Variants in PIWIL1 observed in about 807,000 individuals in gnomAD.
The protein encoded by PIWIL1 is piwi-like protein 1.
A neutral mutation model predicts 114.4 loss-of-function variants in PIWIL1; 73 were observed. The ratio of observed to expected loss-of-function variants is 0.64; its 90% CI spans 0.53 to 0.78. The LOEUF (loss-of-function observed/expected upper bound fraction) is 0.78, where lower values mean the gene tolerates loss of function less well. Among genes scored for constraint, PIWIL1 ranks in the 30% least tolerant of loss-of-function variants. The pLI is 0.00. For missense variants in PIWIL1, 723 were observed against 1,063.1 expected, an observed-to-expected ratio of 0.68 and a Z score of 4.45; for synonymous variants, 375 against 369.0, an observed-to-expected ratio of 1.02 and a Z score of -0.19.
chr12:130,393,291 C>T, the PIWIL1 span, among the ~76,000 whole-genome samples: 2 of 149,608 alleles, frequency 1.3e-5, no homozygotes, highest in South Asian at 2.1e-4. Context: ...ATGTGTGCGT[C>T]AGTTACCTGG....
At chr12:130,414,556 G>A in the PIWIL1 span, 29 of 322,286 alleles carry the variant, frequency 9.0e-5, no homozygotes, top group Non-Finnish European at 1.6e-4. Flanking sequence ...GCTGGGCCTC[G>A]GGGGCCTCCT....
At chr12:130,381,550 T>C in the PIWIL1 span, among the ~76,000 whole-genome samples, 2 of 152,222 alleles carry the variant, frequency 1.3e-5, no homozygotes, top group Non-Finnish European at 2.9e-5. Flanking sequence ...AGTACATGTA[T>C]CCATGCACTT....
At chr12:130,416,951 TA>T in the PIWIL1 span, among the ~76,000 whole-genome samples, 2 of 151,332 alleles carry the variant, frequency 1.3e-5, no homozygotes, top group East Asian at 1.9e-4. Context: ...AAAATATAAA[TA>T]AAAAATATAT....
chr12:130,410,943 T>C, the PIWIL1 span, among the ~76,000 whole-genome samples: 13 of 152,214 alleles, frequency 8.5e-5, no homozygotes, highest in Non-Finnish European at 1.2e-4. Context: ...GTAGGCTCAC[T>C]TGGGGCAGCT....
At position 130,361,234 on chromosome 12, in the gene PIWIL1, T is replaced by C. The variant is rs1431749094; in HGVS notation, c.1720T>C (p.Tyr574His). 6.2e-7 allele frequency: 1 copy of C among 1,614,158 alleles called. No individual in the cohort carries two copies. The highest frequency in any genetic ancestry group is 8.5e-7 in the Non-Finnish European group (1 of 1,180,016). The change falls in exon 15 of 21, where the codon TAC becomes CAC. Residue 574 changes from tyrosine (Y) to histidine (H), a missense_variant. By Grantham distance (83) the Tyr-to-His change is moderately conservative (BLOSUM62 2). This residue lies in a region of PIWIL1 where 298 missense variants were observed against 420.8 expected (regional missense o/e 0.71). Coordinates refer to ENST00000245255, the MANE Select transcript of PIWIL1 (RefSeq NM_004764.5). ...GGACAAATACGATGCTATTAAAAAA[T>C]ACCTGTGTACAGATTGCCCTACCCC... ...RKDKYDAIKK[Y>H]LCTDCPTPSQ...
intron 11 of PIWIL1, 104 bp from the exon 12 acceptor site, chr12:130,355,448 AC>A (rs1301003049): frequency 2.4e-6 from 2 of 850,340 alleles, no homozygotes; most frequent in Admixed American, 3.6e-5. Flanking sequence ...CTTCACCCTG[AC>A]GGCGACATTG....
chr12:130,347,186 T>C, intron 6 of PIWIL1, 124 bp downstream of exon 6: 2 of 714,566 alleles, frequency 2.8e-6, no homozygotes, highest in East Asian at 2.6e-5. Context: ...TTTCTCTGTA[T>C]TGCAGTAACT....
At chr12:130,345,918 A>G in intron 4 of PIWIL1, 40 bp downstream of exon 4, 2 of 1,607,492 alleles carry the variant, frequency 1.2e-6, no homozygotes, top group South Asian at 1.1e-5. Flanking sequence ...ATTACATCTC[A>G]GGAACACAGG....
chr12:130,392,992 C>T, the PIWIL1 span, among the ~76,000 whole-genome samples: 1 of 143,128 alleles, frequency 7.0e-6, no homozygotes, highest in African/African-American at 2.7e-5. Flanking sequence ...GCGTCAGTTA[C>T]CTGGTGAGTA....
At chr12:130,424,276 T>TG in the PIWIL1 span, 13 of 1,231,748 alleles carry the variant, frequency 1.1e-5, no homozygotes, top group African/African-American at 1.6e-5. This position sits in a 1 kb window ranked among gnomAD's most constrained non-coding sequence, Gnocchi z 9.8. Context: ...CCGTGCTTCC[T>TG]GGGGGGCGGC....
chr12:130,347,973 C>T (rs1490321925), intron 6 of PIWIL1, 130 bp from the exon 7 acceptor site: 1 of 580,658 alleles, frequency 1.7e-6, no homozygotes, highest in Non-Finnish European at 3.1e-6. Context: ...CCATAAAAAA[C>T]AGCAGGTAGG....
chr12:130,419,546 A>G, the PIWIL1 span: 1 of 152,176 alleles, frequency 6.6e-6, no homozygotes, highest in South Asian at 2.1e-4. This position sits in a 1 kb window ranked among gnomAD's most constrained non-coding sequence, Gnocchi z 4.3. Context: ...GATTTTTTTT[A>G]TTGCAGGGAA....
At chr12:130,362,668 G>T in intron 16 of PIWIL1, 98 bp from the exon 17 acceptor site, 1 of 1,022,580 alleles carries the variant, frequency 9.8e-7, no homozygotes. Context: ...TTACAAAGAT[G>T]ACAGATTGCT....
the PIWIL1 span, among the ~76,000 whole-genome samples, chr12:130,416,612 A>G: frequency 6.6e-6 from 1 of 152,248 alleles, no homozygotes; most frequent in African/African-American, 2.4e-5. Flanking sequence ...ACCTCAAATT[A>G]CACAAATACT....
At chr12:130,412,385 C>G in the PIWIL1 span, among the ~76,000 whole-genome samples, 1 of 152,216 alleles carries the variant, frequency 6.6e-6, no homozygotes, top group African/African-American at 2.4e-5. Flanking sequence ...ATTAGATCAT[C>G]TGTGTCTTCA....
At chr12:130,390,860 TGGTCGTTGTC>T in the PIWIL1 span, among the ~76,000 whole-genome samples, 1 of 152,226 alleles carries the variant, frequency 6.6e-6, no homozygotes, top group African/African-American at 2.4e-5. Context: ...TGGCTTGGCC[TGGTCGTTGTC>T]TCTCACCTGC....
intron 9 of PIWIL1, 101 bp from the exon 10 acceptor site, chr12:130,354,436 C>A: frequency 7.0e-7 from 1 of 1,429,876 alleles, no homozygotes; most frequent in Non-Finnish European, 9.7e-7. Flanking sequence ...TTGCTATTGG[C>A]ATCAGCTCTT....
In PIWIL1 at chr12:130,345,755, C is replaced by T. The variant is rs769202669; in HGVS notation, c.193C>T (p.Leu65Phe). 1.2e-6 allele frequency: 2 copies of T among 1,613,086 alleles called. No homozygotes were observed. The highest frequency in any genetic ancestry group is 1.1e-5 in the South Asian group (1 of 90,766). ...CAAGTACACAATTTTTTTTTAAGGA[C>T]TCCAGATATCTGCTGGATTTCAGGA... ...TAGGTAKSQG[L>F]QISAGFQELS... The change falls in exon 4 of 21, where the codon CTC becomes TTC. Residue 65 changes from leucine (L) to phenylalanine (F), a missense_variant and splice_region_variant. By Grantham distance (22) the Leu-to-Phe change is conservative. Transcript: ENST00000245255.
Position 130,346,857 on chromosome 12 carries a change from G to A in PIWIL1, c.532-84G>A, listed in dbSNP as rs565981086. 4.4e-5 allele frequency: 67 copies of A among 1,522,162 alleles called. No individual in the cohort carries two copies. The African/African-American group carries it at 8.9e-4, about 20-fold the overall frequency. The allele number at this position is 1,522,162 out of a possible 1,614,324, so 94.3% of individuals were successfully genotyped here. A position where few individuals can be genotyped will look rare whatever the true frequency, so the allele number is the denominator to read the frequency against. ...AAAACATTTTATGGTTTTCAATGTT[G>A]CCTTATTAAGCAAGCAGTATGTGAT... On this transcript the variant is annotated intron_variant, in intron 5 of 20. Coordinates refer to ENST00000245255, the MANE Select transcript of PIWIL1 (RefSeq NM_004764.5).
Sources: gnomAD v4.1 joint callset for allele counts (sites outside exome capture counted in the v4.1 genomes callset) on GRCh38, gnomAD v4.1.1 for gene constraint, gnomAD v4.1.1 regional missense constraint, Gnocchi (gnomAD v3.1) non-coding constraint, MANE v1.5 for transcripts, NCBI Gene and HGNC (gene_info 2026-07-23, HGNC 2026-07-21) for gene names.